Variants in LRP1B observed in about 807,000 individuals in gnomAD.
The protein encoded by LRP1B is LDL receptor related protein 1B, also known as low-density lipoprotein receptor-related protein 1B.
LRP1B carries 217 observed loss-of-function variants against 556.6 expected under a neutral mutation model. That is an observed-to-expected ratio of 0.39 (90% confidence interval 0.35 to 0.44). The LOEUF (loss-of-function observed/expected upper bound fraction) is 0.44, where lower values mean the gene tolerates loss of function less well. Among genes scored for constraint, LRP1B ranks in the 20% least tolerant of loss-of-function variants. The pLI is 1.00. For synonymous variants in LRP1B, 2,047 were observed against 1,865.8 expected (o/e 1.10, Z -2.50); for missense variants, 5,053 against 5,620.8 (o/e 0.90, Z 3.23).
intron 3 of LRP1B, among the ~76,000 whole-genome samples, chr2:141,380,616 T>C (rs1407222487): frequency 1.3e-5 from 2 of 152,168 alleles, no homozygotes; most frequent in East Asian, 3.9e-4. Flanking sequence ...AGCAAAGAGA[T>C]GATTTCAAGA....
At chr2:141,704,449 A>T (rs1224117235) in intron 2 of LRP1B, among the ~76,000 whole-genome samples, 1 of 151,956 alleles carries the variant, frequency 6.6e-6, no homozygotes, top group Non-Finnish European at 1.5e-5. Context: ...ATTCAACGTA[A>T]CATATAAAAC....
At chr2:141,269,454 A>G (rs140618579) in intron 3 of LRP1B, among the ~76,000 whole-genome samples, 5 of 152,340 alleles carry the variant, frequency 3.3e-5, no homozygotes, top group African/African-American at 1.2e-4. Flanking sequence ...TAATACCAAT[A>G]AAGACACACA....
intron 2 of LRP1B, among the ~76,000 whole-genome samples, chr2:141,577,324 A>G (rs1345826320): frequency 1.3e-5 from 2 of 152,248 alleles, no homozygotes; most frequent in East Asian, 3.9e-4. Flanking sequence ...GGTGACCTAC[A>G]CTACCAGGGA....
intron 1 of LRP1B, among the ~76,000 whole-genome samples, chr2:142,017,261 T>C (rs1703177124): frequency 6.6e-6 from 1 of 152,186 alleles, no homozygotes; most frequent in Non-Finnish European, 1.5e-5. Context: ...GTCCTTGTCC[T>C]TCTGCAAGGT....
intron 3 of LRP1B, among the ~76,000 whole-genome samples, chr2:141,295,746 A>AACACACACACAC (rs376812743): frequency 0.13 from 16,728 of 130,422 alleles, 1,390 homozygotes; most frequent in Non-Finnish European, 0.16. Flanking sequence ...TGAGGAGAGA[A>AACACACACACAC]ACACACACAC....
At chr2:140,498,689 T>C (rs1056113600) in intron 55 of LRP1B, among the ~76,000 whole-genome samples, 2 of 151,858 alleles carry the variant, frequency 1.3e-5, no homozygotes, top group African/African-American at 4.8e-5. Flanking sequence ...CTCACGTAAT[T>C]TTGCAACGTG....
At chr2:140,449,892 G>C (rs1686815824) in intron 63 of LRP1B, among the ~76,000 whole-genome samples, 2 of 152,158 alleles carry the variant, frequency 1.3e-5, no homozygotes, top group Non-Finnish European at 2.9e-5. Flanking sequence ...TGACAGTGAA[G>C]TATTGGAGTG....
At chr2:140,925,179 T>A (rs924252986) in intron 20 of LRP1B, among the ~76,000 whole-genome samples, 3 of 152,124 alleles carry the variant, frequency 2.0e-5, no homozygotes, top group Non-Finnish European at 4.4e-5. Flanking sequence ...AATTTTGATA[T>A]CTTCAGGGTC....
chr2:140,748,798 A>AT (rs1559094714), intron 35 of LRP1B, among the ~76,000 whole-genome samples: 49 of 2,174 alleles, frequency 0.023, 2 homozygotes, highest in Non-Finnish European at 0.034. Flanking sequence ...TATATTATAT[A>AT]CATATTATAT....
At chr2:140,803,886 A>G (rs1690615368) in intron 32 of LRP1B, among the ~76,000 whole-genome samples, 2 of 109,360 alleles carry the variant, frequency 1.8e-5, no homozygotes, top group Non-Finnish European at 3.7e-5. Flanking sequence ...ACCCCCCCAA[A>G]AAAAAGAAAG....
At chr2:141,591,837 C>G (rs1321821947) in intron 2 of LRP1B, among the ~76,000 whole-genome samples, 2 of 147,354 alleles carry the variant, frequency 1.4e-5, no homozygotes, top group African/African-American at 5.0e-5. Context: ...GACACAATAG[C>G]CAGCTGTTAT....
At chr2:140,467,156 T>C (rs1340601879) in intron 60 of LRP1B, among the ~76,000 whole-genome samples, 1 of 151,836 alleles carries the variant, frequency 6.6e-6, no homozygotes, top group African/African-American at 2.4e-5. Flanking sequence ...CAATAAAAAA[T>C]CTCAAATTTA....
intron 35 of LRP1B, among the ~76,000 whole-genome samples, chr2:140,762,471 T>G (rs1406690282): frequency 7.3e-6 from 1 of 136,194 alleles, no homozygotes. Context: ...ATATTAAGGG[T>G]TTTTTTTGTT....
At chr2:141,476,876 C>T (rs796613059) in intron 3 of LRP1B, among the ~76,000 whole-genome samples, 13 of 152,252 alleles carry the variant, frequency 8.5e-5, no homozygotes, top group African/African-American at 9.6e-5. Context: ...GTAATTCAAG[C>T]ACTTTGTGAT....
At position 141,997,444 on chromosome 2, in the gene LRP1B, TAC is replaced by T. The variant is rs148682019; in HGVS notation, c.82+133202_82+133203del. 9.6e-3 allele frequency among the ~76,000 whole-genome samples: 1,312 copies of T among 137,200 alleles called. 12 individuals carry two copies. The highest frequency in any genetic ancestry group is 0.019 in the African/African-American group (712 of 37,210). The allele number at this position is 137,200 out of a possible 152,430, so 90.0% of individuals were successfully genotyped here. ...GTGTGTGTGTGTGTGTGTGTGTATATACACACACACACACACACACACACACT... is the reference window on the plus strand; with the variant it reads ...GTGTGTGTGTGTGTGTGTGTGTATATACACACACACACACACACACACACT... On this transcript the variant is annotated intron_variant, in intron 1 of 90. Transcript: ENST00000389484.
intron 3 of LRP1B, among the ~76,000 whole-genome samples, chr2:141,307,948 G>A (rs1302108036): frequency 6.6e-6 from 1 of 152,184 alleles, no homozygotes; most frequent in Non-Finnish European, 1.5e-5. Context: ...TTGTAATGGT[G>A]TTGGTGGTGG....
chr2:141,017,554 C>T (rs1031194888), intron 12 of LRP1B, among the ~76,000 whole-genome samples: 1 of 151,416 alleles, frequency 6.6e-6, no homozygotes, highest in South Asian at 2.1e-4. Context: ...AGGAATTGTT[C>T]GCCAACTGAT....
chr2:140,806,300 T>C (rs1690713064), intron 32 of LRP1B, among the ~76,000 whole-genome samples: 1 of 152,074 alleles, frequency 6.6e-6, no homozygotes, highest in African/African-American at 2.4e-5. Context: ...TAAAAATATA[T>C]ATATGCATAC....
At chr2:141,400,505 A>G (rs1208504162) in intron 3 of LRP1B, among the ~76,000 whole-genome samples, 1 of 152,224 alleles carries the variant, frequency 6.6e-6, no homozygotes, top group Non-Finnish European at 1.5e-5. Context: ...GGCTATTGAA[A>G]TTAAGAAAAA....
Sources: allele counts gnomAD v4.1 joint callset (sites outside exome capture counted in the v4.1 genomes callset), GRCh38; gene constraint gnomAD v4.1.1; transcripts MANE v1.5; gene names NCBI Gene and HGNC (gene_info 2026-07-23, HGNC 2026-07-21).